BAHCC1: variants seen among roughly 807,000 people sequenced by gnomAD.
BAHCC1 encodes the protein BAH and coiled-coil domain-containing protein 1.
In BAHCC1, 43 loss-of-function variants were observed where a neutral mutation model predicts 88.2. That is an observed-to-expected ratio of 0.49 (90% CI 0.38 to 0.63). The LOEUF (loss-of-function observed/expected upper bound fraction) is 0.63. Ranked by LOEUF, BAHCC1 falls within the 20% of genes least tolerant of loss-of-function variation. The probability of loss-of-function intolerance (pLI) is 0.00; values close to 1 mark genes in which losing one functional copy is unlikely to be tolerated. For synonymous variants in BAHCC1, 1,510 were observed against 745.5 expected, an observed-to-expected ratio of 2.03 and a Z score of -16.71; for missense variants, 3,023 against 1,654.8, an observed-to-expected ratio of 1.83 and a Z score of -14.34.
At chr17:81,419,421 G>T (rs899292) in intron 2 of BAHCC1, among the ~76,000 whole-genome samples, 7,787 of 152,364 alleles carry the variant, frequency 0.051, 507 homozygotes, top group African/African-American at 0.16. Context: ...GGGCCAGCAG[G>T]GGGGCTGCTC....
In BAHCC1 at chr17:81,445,596, C is replaced by T. The variant is rs782767125; in HGVS notation, c.3078C>T (p.Pro1026=). ...CTLNVCPASS[P]GPGSRVRSAE... The stretch of plus-strand genomic sequence containing the variant: ...TAAATGTCTGCCCTGCCAGCAGCCC[C>T]GGGCCTGGCTCCCGGGTGCGCAGCG... Residue 1026 remains proline, a synonymous_variant, in exon 10 of 28, where the codon CCC becomes CCT. Transcript: ENST00000675386. 775 of 727,364 alleles carry T rather than the reference C, an allele frequency of 1.1e-3. 10 individuals carry two copies. The East Asian group carries it at 0.02, about 19-fold the overall frequency. 45.1% of individuals were successfully genotyped at this position (727,364 alleles called of 1,614,324 possible).
rs547473730 is a variant in BAHCC1 at position 81,465,982 on chromosome 17, C to G, written c.*2165C>G. ...GAGCCACTGGAGTTCCAGAGAGGGC[C>G]GAGGAGGGTGCAGCCACGGAGGTTG... On this transcript the variant is annotated 3_prime_UTR_variant, in exon 28 of 28. Coordinates refer to ENST00000675386, the MANE Select transcript of BAHCC1 (RefSeq NM_001377448.1). The G allele has an allele frequency of 6.6e-6, 1 of 152,480 alleles. No individual in the cohort carries two copies. The highest frequency in any genetic ancestry group is 2.1e-4 in the South Asian group (1 of 4,832). 9.4% of individuals were successfully genotyped at this position (152,480 alleles called of 1,614,324 possible).
Position 81,443,803 on chromosome 17 carries a change from G to T in BAHCC1, c.2216-6G>T, listed in dbSNP as rs531257544. On this transcript the variant is annotated splice_polypyrimidine_tract_variant and splice_region_variant and intron_variant, in intron 5 of 27. Coordinates refer to ENST00000675386, the MANE Select transcript of BAHCC1 (RefSeq NM_001377448.1). ...CTCTCCCGTCTGCTGTCTCGACCCTGTGCAGGTGGCGGTGGGCCCCGTTCC... is the reference window on the plus strand; with the variant it reads ...CTCTCCCGTCTGCTGTCTCGACCCTTTGCAGGTGGCGGTGGGCCCCGTTCC... 2.8e-6 allele frequency: 2 copies of T among 710,058 alleles called. No homozygotes were observed. The highest frequency in any genetic ancestry group is 5.2e-6 in the Non-Finnish European group (2 of 384,710). 44.0% of individuals were successfully genotyped at this position (710,058 alleles called of 1,614,324 possible).
intron 10 of BAHCC1, among the ~76,000 whole-genome samples, chr17:81,446,115 G>T (rs373853971): frequency 6.6e-6 from 1 of 151,534 alleles, no homozygotes; most frequent in Non-Finnish European, 1.5e-5. Flanking sequence ...GCCTGGCCTC[G>T]GCCCCTGCCA....
At chr17:81,404,694 A>G (rs1321670089) in intron 2 of BAHCC1, among the ~76,000 whole-genome samples, 2 of 152,216 alleles carry the variant, frequency 1.3e-5, no homozygotes, top group African/African-American at 4.8e-5. Flanking sequence ...AGTTGATAGG[A>G]TGTTCGCTGT....
chr17:81,399,945 GA>G lies in BAHCC1; in HGVS notation c.178+29del, dbSNP rs781972496. 5.2e-3 allele frequency: 6,911 copies of G among 1,323,300 alleles called. 24 individuals are homozygous for G. The highest frequency in any genetic ancestry group is 6.1e-3 in the Non-Finnish European group (6,355 of 1,033,722). 82.0% of individuals were successfully genotyped at this position (1,323,300 alleles called of 1,614,324 possible). On this transcript the variant is annotated intron_variant, in intron 2 of 27. Transcript: ENST00000675386. This position sits in a 1 kb window ranked among gnomAD's most constrained non-coding sequence, Gnocchi z 4.5. ...CAGTGCTCGGCCGGGGCGGGCGCGGGACGGGAGCGTTCGAGAGCGGAACAGG... is the reference window on the plus strand; with the variant it reads ...CAGTGCTCGGCCGGGGCGGGCGCGGGCGGGAGCGTTCGAGAGCGGAACAGG...
At chr17:81,397,080 C>A (rs2063753221) in intron 1 of BAHCC1, 3 of 152,164 alleles carry the variant, frequency 2.0e-5, no homozygotes, top group Admixed American at 1.3e-4. Flanking sequence ...CACTTCCTGG[C>A]CGCCTCAGGC....
intron 2 of BAHCC1, chr17:81,401,516 C>T (rs1052072586): frequency 2.6e-5 from 4 of 152,686 alleles, no homozygotes; most frequent in South Asian, 2.1e-4. Context: ...GTCTTCCTGC[C>T]CCTGCATGGG....
chr17:81,418,504 T>G (rs1318736581), intron 2 of BAHCC1, among the ~76,000 whole-genome samples: 1 of 152,022 alleles, frequency 6.6e-6, no homozygotes, highest in African/African-American at 2.4e-5. Flanking sequence ...TTGATGGAGA[T>G]CTGAGGCCCC....
chr17:81,407,342 AAG>A (rs1407303478), intron 2 of BAHCC1: 3 of 519,900 alleles, frequency 5.8e-6, no homozygotes, highest in Admixed American at 1.9e-5. Context: ...TTAAGTAAGA[AAG>A]AAACCAGCCT....
rs561076213 is a variant in BAHCC1 at position 81,400,566 on chromosome 17, G to A, written c.178+649G>A. On this transcript the variant is annotated intron_variant, in intron 2 of 27. Transcript: ENST00000675386. ...GGCCCAGCCTCTCAGCCTGCGGCCC[G>A]GGGAGGAGGGCAGCGCGGGCGCGGG... The A allele has an allele frequency of 1.6e-3, 240 of 152,656 alleles. 1 individual carries two copies. Among genetic ancestry groups the A allele is most frequent in the Middle Eastern group, 3.2e-3 (1 of 316 alleles). The allele number at this position is 152,656 out of a possible 1,614,324, so 9.5% of individuals were successfully genotyped here.
intron 14 of BAHCC1, among the ~76,000 whole-genome samples, chr17:81,454,793 TGCAGCCCCACTCAGGCCCCAGTAGCAGC>T (rs1316191822): frequency 6.6e-6 from 1 of 151,870 alleles, no homozygotes; most frequent in Non-Finnish European, 1.5e-5. Flanking sequence ...AGGCTGGGGC[TGCAGCCCCACTCAGGCCCCAGTAGCAGC>T]AGAGCCCTGG....
chr17:81,403,884 T>C (rs2063848057), intron 2 of BAHCC1, among the ~76,000 whole-genome samples: 1 of 152,226 alleles, frequency 6.6e-6, no homozygotes, highest in Admixed American at 6.5e-5. Context: ...GTTTGGAATG[T>C]GGGTTTCCCC....
chr17:81,440,935 C>T (rs2064403794), intron 4 of BAHCC1, among the ~76,000 whole-genome samples: 1 of 152,252 alleles, frequency 6.6e-6, no homozygotes, highest in Admixed American at 6.5e-5. Flanking sequence ...CGCGACCCAC[C>T]CGTCCTTCCT....
At chr17:81,444,610 G>T (rs1282722992) in intron 7 of BAHCC1, 42 bp downstream of exon 7, 3 of 751,132 alleles carry the variant, frequency 4.0e-6, no homozygotes, top group Non-Finnish European at 7.3e-6. Flanking sequence ...GGCTGATGAG[G>T]GTTCCCTCCT....
chr17:81,414,405 C>T (rs533912420), intron 2 of BAHCC1, among the ~76,000 whole-genome samples: 22 of 152,298 alleles, frequency 1.4e-4, no homozygotes, highest in Non-Finnish European at 1.9e-4. Context: ...AGGCGGAGCT[C>T]GGGCTGTGGG....
intron 16 of BAHCC1, 71 bp downstream of exon 16, chr17:81,456,656 C>A: frequency 1.5e-6 from 1 of 648,738 alleles, no homozygotes; most frequent in South Asian, 1.7e-5. Flanking sequence ...GAGGAGGGGG[C>A]GGCAGGTTCA....
Position 81,435,350 on chromosome 17 carries a change from G to T in BAHCC1, c.359-3020G>T. 1 of 440,920 alleles carries T rather than the reference G, an allele frequency of 2.3e-6. No homozygotes were observed. 27.3% of individuals were successfully genotyped at this position (440,920 alleles called of 1,614,324 possible). A position where few individuals can be genotyped will look rare whatever the true frequency, so the allele number is the denominator to read the frequency against. On this transcript the variant is annotated intron_variant, in intron 3 of 27. Coordinates refer to ENST00000675386, the MANE Select transcript of BAHCC1 (RefSeq NM_001377448.1). This position sits in a 1 kb window ranked among gnomAD's most constrained non-coding sequence, Gnocchi z 4.4. ...GTCCCATCACAGGACTGAGTTTGGA[G>T]TCTCCTGCCCACCGCAGTAGCAGGG...
chr17:81,433,549 G>A (rs2064295237), intron 3 of BAHCC1, among the ~76,000 whole-genome samples: 1 of 150,458 alleles, frequency 6.6e-6, no homozygotes, highest in African/African-American at 2.4e-5. Context: ...GTCCACCGAG[G>A]CCCCTCCTGT....
Sources: gnomAD v4.1 joint callset for allele counts (sites outside exome capture counted in the v4.1 genomes callset) on GRCh38, gnomAD v4.1.1 for gene constraint, Gnocchi (gnomAD v3.1) non-coding constraint, MANE v1.5 for transcripts, NCBI Gene and HGNC (gene_info 2026-07-23, HGNC 2026-07-21) for gene names.